The following MGAT4C variants were observed in gnomAD, a reference collection of about 807,000 sequenced individuals.
MGAT4C encodes alpha-1,3-mannosyl-glycoprotein 4-beta-N-acetylglucosaminyltransferase C.
A neutral mutation model predicts 40.1 loss-of-function variants in MGAT4C; 19 were observed. The observed-to-expected ratio is 0.47, with a 90% CI of 0.33 to 0.70. The LOEUF is 0.70. Among genes scored for constraint, MGAT4C ranks in the 30% least tolerant of loss-of-function variants. The pLI, the probability that MGAT4C is intolerant of heterozygous loss-of-function variation, is 0.02. For synonymous variants in MGAT4C, 181 were observed against 187.1 expected (o/e 0.97, Z 0.27); for missense variants, 491 against 563.2 (o/e 0.87, Z 1.30).
At chr12:86,673,319 C>T (rs1964308584) in intron 2 of MGAT4C, among the ~76,000 whole-genome samples, 1 of 152,092 alleles carries the variant, frequency 6.6e-6, no homozygotes, top group South Asian at 2.1e-4. Context: ...AAATTAAATA[C>T]TTAGAATATA....
intron 1 of MGAT4C, among the ~76,000 whole-genome samples, chr12:86,112,764 CAG>C (rs779288528): frequency 1.3e-5 from 2 of 151,536 alleles, no homozygotes; most frequent in Non-Finnish European, 3.0e-5. Flanking sequence ...TAGGAGGAAA[CAG>C]AGTGAGTAAA....
intron 3 of MGAT4C, among the ~76,000 whole-genome samples, chr12:85,988,264 A>G (rs11117144): frequency 0.031 from 4,767 of 152,222 alleles, 98 homozygotes; most frequent in Middle Eastern, 0.068. Context: ...TTCTGGTACA[A>G]TTTCAGCATC....
intron 1 of MGAT4C, among the ~76,000 whole-genome samples, chr12:86,807,336 C>T (rs1952376025): frequency 6.6e-6 from 1 of 152,028 alleles, no homozygotes; most frequent in Non-Finnish European, 1.5e-5. Flanking sequence ...TCCATGTGTT[C>T]TCATTGTTTA....
chr12:86,046,523 T>C (rs1403024135), intron 2 of MGAT4C, among the ~76,000 whole-genome samples: 1 of 152,200 alleles, frequency 6.6e-6, no homozygotes, highest in Non-Finnish European at 1.5e-5. Context: ...AGAAACACAT[T>C]AGTAAGCTGT....
intron 3 of MGAT4C, among the ~76,000 whole-genome samples, chr12:86,422,969 T>C (rs1236163453): frequency 6.6e-6 from 1 of 152,014 alleles, no homozygotes; most frequent in South Asian, 2.1e-4. Flanking sequence ...TGTTGTATAG[T>C]GGAGGAAGAA....
At chr12:86,113,265 G>T (rs766756784) in intron 1 of MGAT4C, among the ~76,000 whole-genome samples, 2 of 151,674 alleles carry the variant, frequency 1.3e-5, no homozygotes, top group Non-Finnish European at 3.0e-5. Context: ...AAAATGTCAA[G>T]AACAAATCTT....
rs1015648838 is a variant in MGAT4C at position 85,986,967 on chromosome 12, G to C, written c.147+2433C>G. Among the ~76,000 whole-genome samples, 25 of 151,894 alleles carry C rather than the reference G, an allele frequency of 1.6e-4. No individual in the cohort carries two copies. The South Asian group carries it at 2.1e-3, about 13-fold the overall frequency. On this transcript the variant is annotated intron_variant, in intron 3 of 4. Transcript: ENST00000611864. ...TTGAAGCAAAATTCAGCTAAAATGCGATTTGGTTAAAAAACATCCGTCAGT... is the reference window on the plus strand; with the variant it reads ...TTGAAGCAAAATTCAGCTAAAATGCCATTTGGTTAAAAAACATCCGTCAGT...
intron 2 of MGAT4C, among the ~76,000 whole-genome samples, chr12:86,557,477 C>T (rs114778104): frequency 0.031 from 4,710 of 152,176 alleles, 125 homozygotes; most frequent in African/African-American, 0.074. Context: ...TCTGGGCCCT[C>T]TGGATAAGTA....
intron 1 of MGAT4C, among the ~76,000 whole-genome samples, chr12:86,180,696 G>C (rs547021780): frequency 1.3e-5 from 2 of 152,240 alleles, no homozygotes; most frequent in African/African-American, 4.8e-5. Context: ...CTTTGCTTTG[G>C]CCAATTTCTC....
At chr12:86,659,394 A>AT (rs1489133821) in intron 2 of MGAT4C, among the ~76,000 whole-genome samples, 2 of 152,124 alleles carry the variant, frequency 1.3e-5, no homozygotes, top group South Asian at 2.1e-4. Context: ...ACTTCAATTA[A>AT]TTTTTTTAGC....
intron 2 of MGAT4C, among the ~76,000 whole-genome samples, chr12:86,442,771 C>A (rs1242542186): frequency 2.0e-4 from 27 of 137,804 alleles, no homozygotes; most frequent in African/African-American, 2.2e-4. Flanking sequence ...AACTCTGTCT[C>A]AAAAAAAAAA....
At chr12:86,112,694 G>A (rs1877670969) in intron 1 of MGAT4C, among the ~76,000 whole-genome samples, 1 of 151,748 alleles carries the variant, frequency 6.6e-6, no homozygotes, top group African/African-American at 2.4e-5. Flanking sequence ...TTAGGGAGAC[G>A]ATTGTGGGTT....
intron 1 of MGAT4C, among the ~76,000 whole-genome samples, chr12:86,152,316 G>A (rs1884391749): frequency 6.6e-6 from 1 of 152,178 alleles, no homozygotes; most frequent in Non-Finnish European, 1.5e-5. Context: ...TTCAGTGTCT[G>A]GTGAGAACCT....
intron 1 of MGAT4C, among the ~76,000 whole-genome samples, chr12:86,826,250 G>T (rs1014659370): frequency 6.6e-6 from 1 of 151,302 alleles, no homozygotes; most frequent in African/African-American, 2.4e-5. Context: ...CCCAGTATAG[G>T]CATCCAAATA....
intron 3 of MGAT4C, among the ~76,000 whole-genome samples, chr12:86,335,013 A>G (rs1326553953): frequency 6.6e-6 from 1 of 151,550 alleles, no homozygotes; most frequent in African/African-American, 2.4e-5. Context: ...ACTGCTATGT[A>G]TTATTCCCCA....
At chr12:86,182,548 T>C (rs1283465103) in intron 1 of MGAT4C, among the ~76,000 whole-genome samples, 1 of 152,074 alleles carries the variant, frequency 6.6e-6, no homozygotes, top group Non-Finnish European at 1.5e-5. Flanking sequence ...CCTTCCTACT[T>C]GCTTTCCTCT....
rs2135684490 is a variant in MGAT4C, at chr12:86,122,163, A to G, written c.-56-72440T>C. 2.0e-5 allele frequency among the ~76,000 whole-genome samples: 3 copies of G among 152,282 alleles called. No homozygotes were observed. In the Middle Eastern group the frequency reaches 0.01, roughly 525 times the overall value. On this transcript the variant is annotated intron_variant, in intron 1 of 4. Transcript: ENST00000611864. ...TTAATACCATGTTTCTGAAAAGTCA[A>G]TATATTTGTAATAACTTAGAAACTT...
At chr12:86,524,415 GC>G (rs1474313268) in intron 2 of MGAT4C, among the ~76,000 whole-genome samples, 1 of 151,988 alleles carries the variant, frequency 6.6e-6, no homozygotes. Context: ...TTGAATATTG[GC>G]CCCCAATCTA....
intron 1 of MGAT4C, among the ~76,000 whole-genome samples, chr12:86,071,242 T>A (rs1462823543): frequency 6.6e-6 from 1 of 151,536 alleles, no homozygotes; most frequent in African/African-American, 2.4e-5. Flanking sequence ...AAAATATAGA[T>A]CCAAAATGAA....
Sources: gnomAD v4.1 joint callset for allele counts (sites outside exome capture counted in the v4.1 genomes callset) on GRCh38, gnomAD v4.1.1 for gene constraint, MANE v1.5 for transcripts, NCBI Gene and HGNC (gene_info 2026-07-23, HGNC 2026-07-21) for gene names.